The following PELP1 variants were observed in gnomAD, a reference collection of about 807,000 sequenced individuals.
PELP1 encodes the protein proline, glutamate and leucine rich protein 1, also known as proline-, glutamic acid- and leucine-rich protein 1.
Under a neutral mutation model 95.5 loss-of-function variants are expected in PELP1, and 32 were observed. That is an observed-to-expected ratio of 0.34 (90% CI 0.25 to 0.45). The LOEUF is 0.45. Ranked by LOEUF, PELP1 falls within the 20% of genes least tolerant of loss-of-function variation. The probability of loss-of-function intolerance (pLI) is 1.00; values close to 1 mark genes in which losing one functional copy is unlikely to be tolerated. For missense variants in PELP1, 1,358 were observed against 1,444.8 expected (o/e 0.94, Z 0.97); for synonymous variants, 668 against 600.1 (o/e 1.11, Z -1.65).
chr17:4,703,195 C>T (rs553345271), intron 1 of PELP1, among the ~76,000 whole-genome samples: 11 of 152,314 alleles, frequency 7.2e-5, no homozygotes, highest in East Asian at 1.9e-4. Flanking sequence ...TTCCCCTCCA[C>T]ATCTGAGCCC....
Position 4,676,123 on chromosome 17 carries a change from A to G in PELP1, c.893T>C (p.Leu298Pro), listed in dbSNP as rs1453078848. ...QNEGPGVEML[L>P]SSEDGDAHVL... ...ATGGGCATCACCATCTTCTGAGGAC[A>G]GCAGCATCTCCACCCCAGGGCCTTC... Residue 298 changes from leucine (L) to proline (P), a missense_variant, in exon 8 of 17, where the codon CTG becomes CCG. Leu to Pro is a moderately conservative substitution (Grantham distance 98, BLOSUM62 -3). Coordinates refer to ENST00000572293, the MANE Select transcript of PELP1 (RefSeq NM_014389.3). The G allele has an allele frequency of 1.2e-6, 2 of 1,614,004 alleles. No individual in the cohort carries two copies. Among genetic ancestry groups the G allele is most frequent in the South Asian group, 1.1e-5 (1 of 91,082 alleles).
chr17:4,688,005 A>C (rs1054571542), intron 3 of PELP1, among the ~76,000 whole-genome samples: 1 of 152,218 alleles, frequency 6.6e-6, no homozygotes, highest in African/African-American at 2.4e-5. Flanking sequence ...TAGTACTGGA[A>C]GTCCTAGCCA....
chr17:4,694,662 AAAAAAT>A (rs922287691), intron 1 of PELP1, among the ~76,000 whole-genome samples: 6 of 150,422 alleles, frequency 4.0e-5, no homozygotes, highest in African/African-American at 7.4e-5. Context: ...TCCACCTCAA[AAAAAAT>A]AAAATAAAAT....
intron 6 of PELP1, 73 bp downstream of exon 6, chr17:4,676,680 G>C: frequency 7.0e-7 from 1 of 1,421,624 alleles, no homozygotes; most frequent in Non-Finnish European, 9.7e-7. Context: ...GGACAGAAAA[G>C]CTAGAGGAGG....
intron 7 of PELP1, 42 bp downstream of exon 7, chr17:4,676,315 T>C: frequency 6.3e-7 from 1 of 1,599,416 alleles, no homozygotes; most frequent in Middle Eastern, 1.7e-4. Flanking sequence ...CCTGCCACGC[T>C]TCCTCACTAT....
At chr17:4,702,898 G>C (rs1440434041) in intron 1 of PELP1, among the ~76,000 whole-genome samples, 1 of 152,098 alleles carries the variant, frequency 6.6e-6, no homozygotes, top group East Asian at 1.9e-4. Context: ...GCCTTCACCC[G>C]GACAAGATGG....
rs371497509 is a variant in PELP1, at chr17:4,690,966, C to T, written c.342G>A (p.Leu114=). 89 of 1,613,514 alleles carry T rather than the reference C, an allele frequency of 5.5e-5. No individual in the cohort carries two copies. Among genetic ancestry groups the T allele is most frequent in the Middle Eastern group, 3.3e-4 (2 of 6,084 alleles). ...GCTCTGTGGGGCTCTCCCCTACCAG[C>T]AGGGACAGCAGACACAGGCCCTCAA... is the stretch of plus-strand genomic sequence containing the variant. ...TRFEGLCLLS[L]LVGESPTELF... The change falls in exon 3 of 17, where the codon CTG becomes CTA. Residue 114 remains leucine (L), a synonymous_variant. Coordinates refer to ENST00000572293, the MANE Select transcript of PELP1 (RefSeq NM_014389.3).
chr17:4,694,477 C>T (rs1487502427), intron 1 of PELP1, among the ~76,000 whole-genome samples: 2 of 31,514 alleles, frequency 6.3e-5, no homozygotes, highest in East Asian at 7.0e-4. Flanking sequence ...CATGGTGAAA[C>T]GCCATCTCTA....
chr17:4,688,185 A>C (rs965439644), intron 3 of PELP1, among the ~76,000 whole-genome samples: 6 of 152,056 alleles, frequency 3.9e-5, no homozygotes, highest in African/African-American at 1.4e-4. Flanking sequence ...AAATACAAAC[A>C]TTAGCCGGGC....
intron 1 of PELP1, among the ~76,000 whole-genome samples, chr17:4,699,237 G>A (rs1237380576): frequency 1.3e-5 from 2 of 152,008 alleles, no homozygotes; most frequent in Non-Finnish European, 2.9e-5. Flanking sequence ...AAAATAGCCG[G>A]GCATGGTGGT....
intron 5 of PELP1, among the ~76,000 whole-genome samples, chr17:4,678,271 TG>T (rs1912567605): frequency 6.6e-6 from 1 of 151,878 alleles, no homozygotes; most frequent in Non-Finnish European, 1.5e-5. Context: ...AACAAGAATC[TG>T]GAGCCAACAC....
chr17:4,675,872 T>C lies in PELP1; in HGVS notation c.993A>G (p.Gly331=). 1 of 1,591,930 alleles carries C rather than the reference T, an allele frequency of 6.3e-7. No individual in the cohort carries two copies. The highest frequency in any genetic ancestry group is 8.6e-7 in the Non-Finnish European group (1 of 1,169,152). ...CCTGCACAGGGACGGACACGGGAGC[T>C]CCAAACTCAGAGCTAAAGAGAATCA... is the stretch of plus-strand genomic sequence containing the variant. The part of the protein sequence containing the change: ...CLGLMLSSEF[G]APVSVPVQEI... The change falls in exon 9 of 17, where the codon GGA becomes GGG. Residue 331 remains glycine (G), a synonymous_variant. Coordinates refer to ENST00000572293, the MANE Select transcript of PELP1 (RefSeq NM_014389.3). The surrounding 1 kb of genome is among the most constrained non-coding windows in gnomAD (Gnocchi z 4.3).
chr17:4,692,456 G>A (rs1913145492), intron 1 of PELP1, among the ~76,000 whole-genome samples: 1 of 114,436 alleles, frequency 8.7e-6, no homozygotes, highest in African/African-American at 3.4e-5. Flanking sequence ...AACAGAGCGA[G>A]ACTCTGTCTC....
In PELP1 at chr17:4,694,497, C is replaced by CAAAAAAA. The variant is rs55794918; in HGVS notation, c.250-3062_250-3056dup. On this transcript the variant is annotated intron_variant, in intron 1 of 16. Transcript: ENST00000572293. The stretch of plus-strand genomic sequence containing the variant: ...TGAAACGCCATCTCTACCAAAAATA[C>CAAAAAAA]AAAAAAAAAAAAATCAGCCAGGCGT... Among the ~76,000 whole-genome samples, 29 of 54,638 alleles carry CAAAAAAA rather than the reference C, an allele frequency of 5.3e-4. 7 individuals carry two copies. In the South Asian group the frequency reaches 0.01, roughly 20 times the overall value. The allele number at this position is 54,638 out of a possible 152,430, so 35.8% of individuals were successfully genotyped here.
intron 5 of PELP1, among the ~76,000 whole-genome samples, chr17:4,681,375 C>CT (rs139864929): frequency 0.16 from 24,158 of 151,804 alleles, 2,532 homozygotes; most frequent in Non-Finnish European, 0.24. Flanking sequence ...ATCCCAGCTA[C>CT]TTGCATACAT....
chr17:4,696,017 A>T (rs1913283220), intron 1 of PELP1, among the ~76,000 whole-genome samples: 1 of 85,310 alleles, frequency 1.2e-5, no homozygotes. Context: ...TAAAAAAAAG[A>T]GTGTTCCAGG....
In PELP1 at chr17:4,676,052, G is replaced by A. The variant is rs780615488; in HGVS notation, c.964C>T (p.Leu322=). The A allele has an allele frequency of 1.2e-6, 2 of 1,613,942 alleles. No homozygotes were observed. Among genetic ancestry groups the A allele is most frequent in the South Asian group, 2.2e-5 (2 of 91,086 alleles). ...RQRFSGLARC[L]GLMLSSEFGA... ...CACACACACCTGAGCATGAGCCCTA[G>A]GCAGCGGGCCAGTCCCGAAAACCTC... Residue 322 remains leucine, a synonymous_variant, in exon 8 of 17, where the codon CTA becomes TTA. Coordinates refer to ENST00000572293, the MANE Select transcript of PELP1 (RefSeq NM_014389.3).
At position 4,675,753 on chromosome 17, in the gene PELP1, G is replaced by T; in HGVS notation, c.1068+44C>A. ...TCCCCAGTACTTTCCTGGTTGCCTG[G>T]TATCCTGAGCAAGGGCTCTGAAGAG... On this transcript the variant is annotated intron_variant, in intron 9 of 16. Coordinates refer to ENST00000572293, the MANE Select transcript of PELP1 (RefSeq NM_014389.3). The surrounding 1 kb of genome is among the most constrained non-coding windows in gnomAD (Gnocchi z 4.3). 2 of 1,379,936 alleles carry T rather than the reference G, an allele frequency of 1.4e-6. No individual in the cohort carries two copies. The highest frequency in any genetic ancestry group is 1.0e-6 in the Non-Finnish European group (1 of 989,476). 85.5% of individuals were successfully genotyped at this position (1,379,936 alleles called of 1,614,324 possible).
rs551000386 is a variant in PELP1, at chr17:4,671,027, C to G, written c.*412G>C. 4.8e-6 allele frequency: 1 copy of G among 209,122 alleles called. No homozygotes were observed. Among genetic ancestry groups the G allele is most frequent in the African/African-American group, 2.3e-5 (1 of 42,652 alleles). The allele number at this position is 209,122 out of a possible 1,614,324, so 13.0% of individuals were successfully genotyped here. A position where few individuals can be genotyped will look rare whatever the true frequency, so the allele number is the denominator to read the frequency against. ...CCCTTTCAGACCAAGGGGCTGAGCA[C>G]GCATGCGTGTGGGCATGTGGGTGTT... On this transcript the variant is annotated 3_prime_UTR_variant, in exon 17 of 17. Coordinates refer to ENST00000572293, the MANE Select transcript of PELP1 (RefSeq NM_014389.3).
Sources: gnomAD v4.1 joint callset for allele counts (sites outside exome capture counted in the v4.1 genomes callset) on GRCh38, gnomAD v4.1.1 for gene constraint, Gnocchi (gnomAD v3.1) non-coding constraint, MANE v1.5 for transcripts, NCBI Gene and HGNC (gene_info 2026-07-23, HGNC 2026-07-21) for gene names.